The following KCNH8 variants were observed in gnomAD, a reference collection of about 807,000 sequenced individuals.
KCNH8 encodes the protein voltage-gated delayed rectifier potassium channel KCNH8.
KCNH8 carries 70 observed loss-of-function variants against 103.6 expected under a neutral mutation model. The ratio of observed to expected loss-of-function variants is 0.68; its 90% confidence interval spans 0.56 to 0.82. The LOEUF (loss-of-function observed/expected upper bound fraction) is 0.82. Ranked by LOEUF, KCNH8 falls within the 40% of genes least tolerant of loss-of-function variation. The pLI is 0.00. For missense variants in KCNH8, 1,217 were observed against 1,329.9 expected (o/e 0.92, Z 1.32); for synonymous variants, 498 against 489.4 (o/e 1.02, Z -0.23).
At chr3:19,181,159 T>A (rs2063449770) in intron 1 of KCNH8, among the ~76,000 whole-genome samples, 1 of 152,146 alleles carries the variant, frequency 6.6e-6, no homozygotes, top group Admixed American at 6.5e-5. Context: ...ACTGAAAGAG[T>A]TTATCCCTAA....
intron 11 of KCNH8, among the ~76,000 whole-genome samples, chr3:19,487,712 G>A (rs188525635): frequency 1.3e-5 from 2 of 152,210 alleles, no homozygotes; most frequent in African/African-American, 2.4e-5. Context: ...CTGGGGGACC[G>A]TAAGGGCCAT....
chr3:19,331,997 T>C (rs1393231016), intron 3 of KCNH8, among the ~76,000 whole-genome samples: 1 of 152,128 alleles, frequency 6.6e-6, no homozygotes, highest in Non-Finnish European at 1.5e-5. Context: ...AGGAGAAATT[T>C]TTTTAAGTAT....
intron 3 of KCNH8, among the ~76,000 whole-genome samples, chr3:19,328,612 A>G (rs1035193087): frequency 6.6e-6 from 1 of 152,172 alleles, no homozygotes; most frequent in African/African-American, 2.4e-5. Flanking sequence ...TGTCTTCATA[A>G]ATTCTGTGGA....
chr3:19,241,752 ATGCT>A (rs1190624258), intron 1 of KCNH8, among the ~76,000 whole-genome samples: 1 of 150,166 alleles, frequency 6.7e-6, no homozygotes, highest in Non-Finnish European at 1.5e-5. Context: ...ACACACACAC[ATGCT>A]TGATAGAAGA....
chr3:19,291,225 T>C (rs1285028360), intron 3 of KCNH8, among the ~76,000 whole-genome samples: 1 of 152,218 alleles, frequency 6.6e-6, no homozygotes, highest in East Asian at 1.9e-4. Flanking sequence ...TTGAAGGGTT[T>C]TTTGTGTCTC....
Position 19,463,470 on chromosome 3 carries a change from C to A in KCNH8, c.2040+6488C>A, listed in dbSNP as rs992412992. Among the ~76,000 whole-genome samples, 37 of 151,616 alleles carry A rather than the reference C, an allele frequency of 2.4e-4. 1 individual carries two copies. Among genetic ancestry groups the A allele is most frequent in the Admixed American group, 3.3e-4 (5 of 15,214 alleles). ...AAAATGGGCAAAATATATGTACAGG[C>A]AATGTGTAGATGAAGAAACACAAAA... On this transcript the variant is annotated intron_variant, in intron 11 of 15. Transcript: ENST00000328405.
chr3:19,212,871 G>T (rs1224592107), intron 1 of KCNH8, among the ~76,000 whole-genome samples: 1 of 152,160 alleles, frequency 6.6e-6, no homozygotes, highest in Non-Finnish European at 1.5e-5. Flanking sequence ...AAAAATGGAT[G>T]CCTAATAATT....
At chr3:19,531,455 G>A (rs1310662666) in intron 15 of KCNH8, among the ~76,000 whole-genome samples, 1 of 152,202 alleles carries the variant, frequency 6.6e-6, no homozygotes, top group Non-Finnish European at 1.5e-5. Flanking sequence ...GTTCTTAAAT[G>A]TGAGGCTGAG....
At chr3:19,392,062 G>A (rs904837420) in intron 6 of KCNH8, among the ~76,000 whole-genome samples, 13 of 150,806 alleles carry the variant, frequency 8.6e-5, no homozygotes, top group African/African-American at 3.2e-4. Context: ...TTTGAGTACT[G>A]AGCGAATATT....
chr3:19,155,963 T>A (rs770578696), intron 1 of KCNH8, among the ~76,000 whole-genome samples: 10 of 152,204 alleles, frequency 6.6e-5, no homozygotes, highest in Non-Finnish European at 1.2e-4. Context: ...TTTCTTTGAG[T>A]AAAAGAATTT....
chr3:19,485,663 T>C (rs1353360868), intron 11 of KCNH8, among the ~76,000 whole-genome samples: 1 of 152,090 alleles, frequency 6.6e-6, no homozygotes, highest in Non-Finnish European at 1.5e-5. Context: ...TTAGAATAGG[T>C]AGGTACCAGG....
intron 1 of KCNH8, among the ~76,000 whole-genome samples, chr3:19,243,044 T>C (rs1296037322): frequency 6.6e-6 from 1 of 152,170 alleles, no homozygotes; most frequent in African/African-American, 2.4e-5. Flanking sequence ...AGTTTCTTCA[T>C]CTATAATGAC....
rs771407433 is a variant in KCNH8 at position 19,456,804 on chromosome 3, A to G, written c.1862A>G (p.Lys621Arg). Residue 621 changes from lysine to arginine, a missense_variant, in exon 11 of 16, where the codon AAG becomes AGG. Around this residue, in one of 3 missense-constraint regions of KCNH8, gnomAD observed 415 missense variants for 577.4 expected, o/e 0.72. Coordinates refer to ENST00000328405, the MANE Select transcript of KCNH8 (RefSeq NM_144633.3). ...TTAATTGGAGCAAATCTATCAATTA[A>G]GGACCAAGTGATCAAGACCAATGCA... ...GDLIGANLSI[K>R]DQVIKTNADV... is the part of the protein sequence containing the mutation. The G allele has an allele frequency of 5.0e-6, 8 of 1,611,760 alleles. No individual in the cohort carries two copies. Among genetic ancestry groups the G allele is most frequent in the Non-Finnish European group, 6.8e-6 (8 of 1,178,246 alleles).
At chr3:19,418,737 A>G (rs552452067) in intron 7 of KCNH8, among the ~76,000 whole-genome samples, 1 of 152,316 alleles carries the variant, frequency 6.6e-6, no homozygotes, top group East Asian at 1.9e-4. Context: ...TGATTGATAT[A>G]ATAATTTAGA....
chr3:19,385,324 TG>T (rs1417188301), intron 5 of KCNH8, among the ~76,000 whole-genome samples: 1 of 152,100 alleles, frequency 6.6e-6, no homozygotes, highest in African/African-American at 2.4e-5. Flanking sequence ...ACATTGGTCA[TG>T]TATCAATAGA....
intron 11 of KCNH8, among the ~76,000 whole-genome samples, chr3:19,502,609 C>A (rs1240244511): frequency 6.6e-6 from 1 of 152,080 alleles, no homozygotes; most frequent in South Asian, 2.1e-4. Context: ...ACAGAGCCCT[C>A]AGAAATAACG....
chr3:19,489,434 G>A (rs1363357955), intron 11 of KCNH8, among the ~76,000 whole-genome samples: 1 of 152,078 alleles, frequency 6.6e-6, no homozygotes, highest in African/African-American at 2.4e-5. Flanking sequence ...GAATCTATAT[G>A]TATATACGGG....
intron 1 of KCNH8, among the ~76,000 whole-genome samples, chr3:19,175,030 T>C (rs2125196740): frequency 6.6e-6 from 1 of 152,294 alleles, no homozygotes; most frequent in East Asian, 1.9e-4. Flanking sequence ...GAATTTGGCC[T>C]CTTAACCTTG....
intron 11 of KCNH8, among the ~76,000 whole-genome samples, chr3:19,504,436 C>G (rs1437733712): frequency 1.3e-5 from 2 of 152,044 alleles, no homozygotes; most frequent in East Asian, 3.9e-4. Context: ...TTGCATCTAA[C>G]AAAGGTCTAA....
Sources: allele counts gnomAD v4.1 joint callset (sites outside exome capture counted in the v4.1 genomes callset), GRCh38; gene constraint gnomAD v4.1.1; regional missense constraint gnomAD v4.1.1; transcripts MANE v1.5; gene names NCBI Gene and HGNC (gene_info 2026-07-23, HGNC 2026-07-21).